Variants in RPSA observed in about 807,000 individuals in gnomAD.
The protein encoded by RPSA is small ribosomal subunit protein uS2.
For missense variants in RPSA, 140 were observed against 372.8 expected (o/e 0.38, Z 5.14); for synonymous variants, 103 against 126.7 (o/e 0.81, Z 1.25).
rs763204348 is a variant in RPSA, at chr3:39,407,675, C to T, written c.22C>T (p.Leu8=). 3 of 1,595,900 alleles carry T rather than the reference C, an allele frequency of 1.9e-6. No individual in the cohort carries two copies. In the African/African-American group the frequency reaches 4.0e-5, roughly 21 times the overall value. MSGALDV[L]QMKEEDVLKF... The stretch of plus-strand genomic sequence containing the variant: ...CACAATGTCCGGAGCCCTTGATGTC[C>T]TGCAAATGAAGGAGGAGGATGTCCT... The change falls in exon 2 of 7, where the codon CTG becomes TTG. Residue 8 remains leucine, a synonymous_variant. Transcript: ENST00000301821.
chr3:39,407,396 G>A (rs2041934603), intron 1 of RPSA, among the ~76,000 whole-genome samples: 1 of 151,934 alleles, frequency 6.6e-6, no homozygotes, highest in African/African-American at 2.4e-5. Flanking sequence ...CGCTAATTTC[G>A]TGTAGTTTTA....
chr3:39,410,906 G>T lies in RPSA; in HGVS notation c.405G>T (p.Thr135=). 2 of 1,588,336 alleles carry T rather than the reference G, an allele frequency of 1.3e-6. No homozygotes were observed. The highest frequency in any genetic ancestry group is 1.1e-5 in the South Asian group (1 of 90,858). ...TDPRADHQPL[T]EASYVNLPTI... is the part of the protein sequence containing the mutation. Reference sequence around the variant, plus strand: ...CCAGGGCTGACCACCAGCCTCTCACGGAGGCATCTTATGTTAACCTACCTA... The same window carrying T: ...CCAGGGCTGACCACCAGCCTCTCACTGAGGCATCTTATGTTAACCTACCTA... Residue 135 remains threonine (T), a synonymous_variant, in exon 4 of 7, where the codon ACG becomes ACT. Transcript: ENST00000301821.
At position 39,411,050 on chromosome 3, in the gene RPSA, T is replaced by G. The variant is rs911854248; in HGVS notation, c.498+51T>G. ...GTGAATGCGTGCTCTAGAAAAAACATTCCTGTGCACATTGTTAGAGCTTGG... is the reference window on the plus strand; with the variant it reads ...GTGAATGCGTGCTCTAGAAAAAACAGTCCTGTGCACATTGTTAGAGCTTGG... On this transcript the variant is annotated intron_variant, in intron 4 of 6. Transcript: ENST00000301821. The G allele has an allele frequency of 6.9e-6, 11 of 1,590,844 alleles. No individual in the cohort carries two copies. In the African/African-American group the frequency reaches 1.3e-4, roughly 19 times the overall value.
At chr3:39,411,829 C>T (rs768113569) in intron 5 of RPSA, 52 bp downstream of exon 5, 1 of 1,599,326 alleles carries the variant, frequency 6.3e-7, no homozygotes, top group Admixed American at 1.7e-5. Flanking sequence ...ACGACTTGGA[C>T]TGTGCTTCTA....
intron 3 of RPSA, among the ~76,000 whole-genome samples, chr3:39,410,042 A>G (rs1026103893): frequency 1.3e-5 from 2 of 152,164 alleles, no homozygotes; most frequent in Non-Finnish European, 2.9e-5. Flanking sequence ...GAAGATTGCT[A>G]GAACACAGGA....
At chr3:39,408,075 A>G (rs1249535178) in intron 2 of RPSA, 2 of 411,734 alleles carry the variant, frequency 4.9e-6, no homozygotes, top group Middle Eastern at 7.5e-4. Flanking sequence ...TCAACTTCAT[A>G]GGTACTTACA....
rs1385697885 is a variant in RPSA at position 39,408,757 on chromosome 3, A to T, written c.252+33A>T. 3 of 1,127,800 alleles carry T rather than the reference A, an allele frequency of 2.7e-6. No individual in the cohort carries two copies. The Admixed American group carries it at 5.1e-5, about 19-fold the overall frequency. 69.9% of individuals were successfully genotyped at this position (1,127,800 alleles called of 1,614,324 possible). On this transcript the variant is annotated intron_variant, in intron 3 of 6. Coordinates refer to ENST00000301821, the MANE Select transcript of RPSA (RefSeq NM_002295.6). ...GAACAGTGGTTAGTTTTTATATTAT[A>T]GAAATAAAGCTTACAGACATTGTGA...
intron 2 of RPSA, chr3:39,408,172 C>G: frequency 2.7e-6 from 1 of 367,998 alleles, no homozygotes; most frequent in South Asian, 2.2e-5. Context: ...GGATGGAAGG[C>G]ATTAAGTTGG....
chr3:39,411,333 A>G, intron 4 of RPSA: 1 of 604,936 alleles, frequency 1.7e-6, no homozygotes. Flanking sequence ...CACCAACTTG[A>G]TGGGTTCTAC....
intron 4 of RPSA, 195 bp downstream of exon 4, chr3:39,411,194 TCTTGCTA>T: frequency 1.3e-6 from 1 of 765,642 alleles, no homozygotes; most frequent in Non-Finnish European, 2.4e-6. Flanking sequence ...TGATAGTAAT[TCTTGCTA>T]CAAGTATAAC....
chr3:39,412,241 A>T, intron 6 of RPSA, 33 bp from the exon 7 acceptor site: 1 of 1,533,178 alleles, frequency 6.5e-7, no homozygotes, highest in Non-Finnish European at 9.0e-7. Context: ...TTGAGGACAG[A>T]GCTGATGGCT....
At chr3:39,409,184 CTTTTTTTTTTTTTT>C (rs71091746) in intron 3 of RPSA, among the ~76,000 whole-genome samples, 2 of 85,426 alleles carry the variant, frequency 2.3e-5, no homozygotes, top group African/African-American at 8.6e-5. Context: ...TATGACCTTC[CTTTTTTTTTTTTTT>C]TTTTTTTTTC....
intron 3 of RPSA, 63 bp downstream of exon 3, chr3:39,408,787 T>TAC (rs398102532): frequency 7.2e-5 from 69 of 954,272 alleles, no homozygotes; most frequent in Non-Finnish European, 1.9e-5. Flanking sequence ...TTGTGAGACA[T>TAC]AGAAAGACAT....
chr3:39,411,518 C>A, intron 4 of RPSA, 131 bp from the exon 5 acceptor site: 3 of 911,242 alleles, frequency 3.3e-6, no homozygotes, highest in South Asian at 1.6e-5. Context: ...TTATAATGCT[C>A]CCTGTTACAA....
At chr3:39,407,015 G>T (rs1490307792) in intron 1 of RPSA, 1 of 454,084 alleles carries the variant, frequency 2.2e-6, no homozygotes, top group Non-Finnish European at 4.4e-6. Context: ...ACCAGGCCGC[G>T]GGTGGGCGGG....
Position 39,406,727 on chromosome 3 carries a change from G to A in RPSA, c.-71G>A, listed in dbSNP as rs1575253080. Reference sequence around the variant, plus strand: ...TCATTTCCTGCCGCCTGTCTTTTCCGTGCTACCTGCAGAGGGGTCCATACG... The same window carrying A: ...TCATTTCCTGCCGCCTGTCTTTTCCATGCTACCTGCAGAGGGGTCCATACG... On this transcript the variant is annotated 5_prime_UTR_variant, in exon 1 of 7. The change creates a new upstream start codon in the 5' untranslated region. Transcript: ENST00000301821. 1 of 354,514 alleles carries A rather than the reference G, an allele frequency of 2.8e-6. No individual in the cohort carries two copies. Among genetic ancestry groups the A allele is most frequent in the Non-Finnish European group, 5.5e-6 (1 of 181,272 alleles). The allele number at this position is 354,514 out of a possible 1,614,324, so 22.0% of individuals were successfully genotyped here.
chr3:39,407,789 T>A lies in RPSA; in HGVS notation c.133+3T>A. The A allele has an allele frequency of 6.3e-7, 1 of 1,597,852 alleles. No homozygotes were observed. Among genetic ancestry groups the A allele is most frequent in the Non-Finnish European group, 8.5e-7 (1 of 1,179,376 alleles). On this transcript the variant is annotated splice_donor_region_variant and intron_variant, in intron 2 of 6. Transcript: ENST00000301821. ...CATCTATAAAAGGAAAAGTGATGGT[T>A]AGTCATTGCTTTAATTTTTTGTTAC... is the stretch of plus-strand genomic sequence containing the variant.
chr3:39,410,513 TC>T (rs1265715504), intron 3 of RPSA: 1 of 527,734 alleles, frequency 1.9e-6, no homozygotes, highest in African/African-American at 1.9e-5. Context: ...ATACTGAGCA[TC>T]TAGATTGGGC....
intron 1 of RPSA, among the ~76,000 whole-genome samples, chr3:39,407,301 G>A (rs2041933405): frequency 6.6e-6 from 1 of 152,164 alleles, no homozygotes; most frequent in Admixed American, 6.5e-5. Flanking sequence ...TTCCAAACAT[G>A]GCTGCTCTTT....
Sources: allele counts gnomAD v4.1 joint callset (sites outside exome capture counted in the v4.1 genomes callset), GRCh38; gene constraint gnomAD v4.1.1; transcripts MANE v1.5; gene names NCBI Gene and HGNC (gene_info 2026-07-23, HGNC 2026-07-21).